The following ATF7IP2 variants were observed in gnomAD, a reference collection of about 807,000 sequenced individuals.
ATF7IP2 encodes activating transcription factor 7-interacting protein 2.
In ATF7IP2, 42 loss-of-function variants were observed where a neutral mutation model predicts 64.2. That is an observed-to-expected ratio of 0.65 (90% CI 0.51 to 0.85). ATF7IP2 has a LOEUF of 0.85. Ranked by LOEUF, ATF7IP2 falls within the 40% of genes least tolerant of loss-of-function variation. ATF7IP2 has a pLI of 0.00. For synonymous variants in ATF7IP2, 308 were observed against 272.8 expected (o/e 1.13, Z -1.27); for missense variants, 933 against 784.2 (o/e 1.19, Z -2.27).
At chr16:10,412,010 G>GGTTTTTTTTTGTTTTTTTTTTTTTTTTTT (rs1476575065) in intron 1 of ATF7IP2, among the ~76,000 whole-genome samples, 1 of 58,390 alleles carries the variant, frequency 1.7e-5, no homozygotes, top group African/African-American at 6.1e-5. Flanking sequence ...ATCTTTTTTT[G>GGTTTTTTTTTGTTTTTTTTTTTTTTTTTT]TTTTTTTTTT....
At chr16:10,425,158 A>T (rs2048059643) in intron 3 of ATF7IP2, among the ~76,000 whole-genome samples, 1 of 150,396 alleles carries the variant, frequency 6.6e-6, no homozygotes, top group Non-Finnish European at 1.5e-5. Flanking sequence ...TCCCGGGTTC[A>T]AGCGATTATC....
At chr16:10,445,506 A>G (rs1212586976) in intron 8 of ATF7IP2, 1 of 151,874 alleles carries the variant, frequency 6.6e-6, no homozygotes, top group Non-Finnish European at 1.5e-5. Flanking sequence ...GAGATTATTT[A>G]TTTATTTATT....
At chr16:10,474,100 T>G in intron 12 of ATF7IP2, 111 bp downstream of exon 12, 1 of 696,940 alleles carries the variant, frequency 1.4e-6, no homozygotes, top group Non-Finnish European at 2.4e-6. Flanking sequence ...GTGCCTATGT[T>G]TATATCTCTG....
chr16:10,404,656 C>G (rs988200666), intron 1 of ATF7IP2, among the ~76,000 whole-genome samples: 1 of 152,156 alleles, frequency 6.6e-6, no homozygotes, highest in Non-Finnish European at 1.5e-5. Context: ...AGTTCTCATG[C>G]CACTGCCTCC....
chr16:10,473,890 A>C (rs1384570506), intron 11 of ATF7IP2, 33 bp from the exon 12 acceptor site: 11 of 985,898 alleles, frequency 1.1e-5, no homozygotes, highest in African/African-American at 3.1e-5. Flanking sequence ...CTATTGAGGC[A>C]AAGCTTTTTT....
Position 10,431,415 on chromosome 16 carries a change from A to G in ATF7IP2, c.795A>G (p.Ala265=), listed in dbSNP as rs201152600. 1.2e-6 allele frequency: 2 copies of G among 1,610,296 alleles called. No homozygotes were observed. Among genetic ancestry groups the G allele is most frequent in the East Asian group, 2.2e-5 (1 of 44,806 alleles). The change falls in exon 5 of 14, where the codon GCA becomes GCG. Residue 265 remains alanine (A), a synonymous_variant. Transcript: ENST00000562102. ...CCAGTATTTCAAATTGTGAAAGTGC[A>G]GACTCAACATGGCAGTCATCACTTG... ...SRTSISNCES[A]DSTWQSSLDT... is the part of the protein sequence containing the mutation.
At chr16:10,474,347 C>G (rs2049926004) in intron 12 of ATF7IP2, among the ~76,000 whole-genome samples, 1 of 147,584 alleles carries the variant, frequency 6.8e-6, no homozygotes, top group South Asian at 2.2e-4. Flanking sequence ...GTAGTGTGTT[C>G]CTCTTTATTG....
At chr16:10,421,203 C>G (rs2047982360) in intron 3 of ATF7IP2, among the ~76,000 whole-genome samples, 1 of 152,114 alleles carries the variant, frequency 6.6e-6, no homozygotes, top group Non-Finnish European at 1.5e-5. Flanking sequence ...GAGTTAGAGT[C>G]CGTGAATTAG....
chr16:10,461,994 T>A (rs1195142268), intron 9 of ATF7IP2, among the ~76,000 whole-genome samples: 1 of 152,156 alleles, frequency 6.6e-6, no homozygotes, highest in Non-Finnish European at 1.5e-5. Flanking sequence ...CATATGTATC[T>A]GTCTCTCTGT....
Position 10,473,906 on chromosome 16 carries a change from T to A in ATF7IP2, c.1483-17T>A. The A allele has an allele frequency of 6.9e-7, 1 of 1,458,868 alleles. No individual in the cohort carries two copies. Among genetic ancestry groups the A allele is most frequent in the Non-Finnish European group, 9.2e-7 (1 of 1,082,952 alleles). The allele number at this position is 1,458,868 out of a possible 1,614,324, so 90.4% of individuals were successfully genotyped here. On this transcript the variant is annotated splice_polypyrimidine_tract_variant and intron_variant, in intron 11 of 13. Transcript: ENST00000562102. The stretch of plus-strand genomic sequence containing the variant: ...TATTGAGGCAAAGCTTTTTTTTTTT[T>A]TTTACAATTTTTTTAGGCTGTACAG...
At chr16:10,427,154 G>A (rs1033572300) in intron 3 of ATF7IP2, among the ~76,000 whole-genome samples, 5 of 151,946 alleles carry the variant, frequency 3.3e-5, no homozygotes, top group East Asian at 1.9e-4. Flanking sequence ...GCACCTGGCC[G>A]GAATATGGTT....
chr16:10,451,724 C>A (rs1385619536), intron 8 of ATF7IP2, among the ~76,000 whole-genome samples: 1 of 151,908 alleles, frequency 6.6e-6, no homozygotes, highest in Non-Finnish European at 1.5e-5. Context: ...ATTTATCTAA[C>A]CTTTTTTCAA....
chr16:10,479,476 G>T (rs1038275321), intron 12 of ATF7IP2, among the ~76,000 whole-genome samples: 2 of 152,028 alleles, frequency 1.3e-5, no homozygotes, highest in Non-Finnish European at 2.9e-5. Flanking sequence ...ACAGGAAGGG[G>T]AACATCACAC....
chr16:10,440,686 A>C (rs2048586035), intron 8 of ATF7IP2, among the ~76,000 whole-genome samples: 1 of 152,266 alleles, frequency 6.6e-6, no homozygotes, highest in Non-Finnish European at 1.5e-5. Context: ...GGTGATTGCC[A>C]AGATTGGCTT....
Position 10,480,948 on chromosome 16 carries a change from C to T in ATF7IP2, c.1619C>T (p.Ala540Val). Residue 540 changes from alanine (A) to valine (V), a missense_variant, in exon 13 of 14, where the codon GCA becomes GTA. Coordinates refer to ENST00000562102, the MANE Select transcript of ATF7IP2 (RefSeq NM_001393719.1). ...ASNSKETTPL[A>V]QNAVQVPESF... ...AACTCAAAGGAAACAACCCCATTGG[C>T]ACAAAATGCAGTCCAGGTACTGAAT... The T allele has an allele frequency of 6.2e-7, 1 of 1,608,416 alleles. No individual in the cohort carries two copies. The highest frequency in any genetic ancestry group is 1.3e-5 in the African/African-American group (1 of 74,808).
At chr16:10,473,894 C>CTTTTTTT (rs56766112) in intron 11 of ATF7IP2, 29 bp from the exon 12 acceptor site, 60,568 of 1,026,332 alleles carry the variant, frequency 0.059, 3,194 homozygotes, top group African/African-American at 0.23. Flanking sequence ...TGAGGCAAAG[C>CTTTTTTT]TTTTTTTTTT....
At chr16:10,437,103 C>A (rs2048446259) in intron 6 of ATF7IP2, among the ~76,000 whole-genome samples, 1 of 150,516 alleles carries the variant, frequency 6.6e-6, no homozygotes, top group African/African-American at 2.5e-5. Context: ...CTCACTGCAA[C>A]CTCCACCTCC....
chr16:10,480,768 A>T, intron 12 of ATF7IP2, 111 bp from the exon 13 acceptor site: 2 of 781,614 alleles, frequency 2.6e-6, no homozygotes, highest in Non-Finnish European at 4.4e-6. Context: ...TCACAGTTTT[A>T]TAATTTTAAT....
At position 10,431,003 on chromosome 16, in the gene ATF7IP2, G is replaced by T. The variant is rs1339651807; in HGVS notation, c.383G>T (p.Arg128Ile). 3 of 1,614,192 alleles carry T rather than the reference G, an allele frequency of 1.9e-6. No homozygotes were observed. Among genetic ancestry groups the T allele is most frequent in the African/African-American group, 1.3e-5 (1 of 75,058 alleles). ...KPSRTTESPS[R>I]VFTEEAKDSL... is the part of the protein sequence containing the mutation. Reference sequence around the variant, plus strand: ...AGTAGAACAACAGAATCCCCCAGCAGAGTCTTCACAGAAGAGGCAAAAGAT... The same window carrying T: ...AGTAGAACAACAGAATCCCCCAGCATAGTCTTCACAGAAGAGGCAAAAGAT... The change falls in exon 5 of 14, where the codon AGA becomes ATA. Residue 128 changes from arginine to isoleucine, a missense_variant. Coordinates refer to ENST00000562102, the MANE Select transcript of ATF7IP2 (RefSeq NM_001393719.1).
Sources: allele counts gnomAD v4.1 joint callset (sites outside exome capture counted in the v4.1 genomes callset), GRCh38; gene constraint gnomAD v4.1.1; transcripts MANE v1.5; gene names NCBI Gene and HGNC (gene_info 2026-07-23, HGNC 2026-07-21).